SLC6A6: variants seen among roughly 807,000 people sequenced by gnomAD.
SLC6A6 encodes the protein solute carrier family 6 member 6, also known as sodium- and chloride-dependent taurine transporter.
Under a neutral mutation model 68.8 loss-of-function variants are expected in SLC6A6, and 16 were observed. The observed-to-expected ratio is 0.23, with a 90% CI of 0.16 to 0.35. The LOEUF is 0.35. SLC6A6 is among the 10% of genes least tolerant of loss of function. The probability of loss-of-function intolerance (pLI) is 1.00; values close to 1 mark genes in which losing one functional copy is unlikely to be tolerated. For synonymous variants in SLC6A6, 312 were observed against 315.4 expected (o/e 0.99, Z 0.12); for missense variants, 474 against 802.8 (o/e 0.59, Z 4.95).
intron 2 of SLC6A6, among the ~76,000 whole-genome samples, chr3:14,418,528 G>A (rs188798289): frequency 9.2e-5 from 14 of 152,258 alleles, no homozygotes; most frequent in Admixed American, 7.2e-4. Context: ...TGACCTACTC[G>A]ACGTCAGCCT....
intron 2 of SLC6A6, among the ~76,000 whole-genome samples, chr3:14,425,091 C>T (rs533471963): frequency 1.3e-5 from 2 of 152,298 alleles, no homozygotes; most frequent in Non-Finnish European, 2.9e-5. Context: ...GATGGCTAAT[C>T]TTTCTTGGGC....
chr3:14,410,735 A>T (rs1168507021), intron 1 of SLC6A6, among the ~76,000 whole-genome samples: 1 of 152,180 alleles, frequency 6.6e-6, no homozygotes, highest in Non-Finnish European at 1.5e-5. Context: ...GTGCCCTGAG[A>T]GGCTCTTCCT....
chr3:14,471,189 C>G (rs1222248549), intron 9 of SLC6A6, among the ~76,000 whole-genome samples: 1 of 124,848 alleles, frequency 8.0e-6, no homozygotes, highest in African/African-American at 3.0e-5. Flanking sequence ...GCCCTCGCTT[C>G]TCAGACCCAC....
intron 13 of SLC6A6, among the ~76,000 whole-genome samples, chr3:14,480,543 G>A (rs1300855437): frequency 1.3e-5 from 2 of 152,222 alleles, no homozygotes; most frequent in East Asian, 3.9e-4. Context: ...CTGAGCCACA[G>A]CCCTACACGT....
intron 2 of SLC6A6, among the ~76,000 whole-genome samples, chr3:14,439,586 C>A (rs1699935476): frequency 6.6e-6 from 1 of 152,186 alleles, no homozygotes; most frequent in Non-Finnish European, 1.5e-5. Context: ...TCACTTGTAG[C>A]TGTAATAACC....
chr3:14,482,488 T>C (rs1701031167), intron 14 of SLC6A6, among the ~76,000 whole-genome samples: 1 of 152,244 alleles, frequency 6.6e-6, no homozygotes. Flanking sequence ...TTCCAAGAAA[T>C]TCTTTTCTCA....
At chr3:14,454,654 G>A (rs11128699) in intron 5 of SLC6A6, among the ~76,000 whole-genome samples, 65,535 of 152,038 alleles carry the variant, frequency 0.43, 14,480 homozygotes, top group African/African-American at 0.51. Context: ...GTATGTTCAC[G>A]TGGCCCGTTA....
rs1239625158 is a variant in SLC6A6 at position 14,447,773 on chromosome 3, A to G, written c.556A>G (p.Ile186Val). The change falls in exon 5 of 15, where the codon ATC (isoleucine) becomes GTC (valine). Residue 186 changes from isoleucine to valine, a missense_variant. By Grantham distance (29) the Ile-to-Val change is conservative. Coordinates refer to ENST00000622186, the MANE Select transcript of SLC6A6 (RefSeq NM_003043.6). ...MRKNKSVWIT[I>V]SSTNFTSPVI... ...CAAGAACAAGAGTGTCTGGATCACCATCAGCTCCACCAACTTCACCTCCCC... is the reference window on the plus strand; with the variant it reads ...CAAGAACAAGAGTGTCTGGATCACCGTCAGCTCCACCAACTTCACCTCCCC... 3 of 1,614,232 alleles carry G rather than the reference A, an allele frequency of 1.9e-6. No homozygotes were observed. The highest frequency in any genetic ancestry group is 1.6e-4 in the Middle Eastern group (1 of 6,062).
At chr3:14,448,847 C>T (rs1559301095) in intron 5 of SLC6A6, among the ~76,000 whole-genome samples, 1 of 152,228 alleles carries the variant, frequency 6.6e-6, no homozygotes, top group African/African-American at 2.4e-5. Flanking sequence ...AAATAGGCTA[C>T]TGCATCATTT....
intron 2 of SLC6A6, among the ~76,000 whole-genome samples, chr3:14,431,273 C>G (rs1323782382): frequency 1.3e-5 from 2 of 152,200 alleles, no homozygotes; most frequent in African/African-American, 4.8e-5. Context: ...CTCAGAATGC[C>G]TGACGTGGAA....
chr3:14,410,215 T>C (rs1180841952), intron 1 of SLC6A6, among the ~76,000 whole-genome samples: 1 of 149,220 alleles, frequency 6.7e-6, no homozygotes, highest in Non-Finnish European at 1.5e-5. Context: ...TTCACAGATG[T>C]GGCTCCCTGT....
Position 14,450,141 on chromosome 3 carries a change from C to G in SLC6A6, c.599+2325C>G, listed in dbSNP as rs537169341. ...GTGTGTTATGAACTTAAAGAATCAC[C>G]CCCTATTGTAAAGGGGTCATCCTCT... On this transcript the variant is annotated intron_variant, in intron 5 of 14. Coordinates refer to ENST00000622186, the MANE Select transcript of SLC6A6 (RefSeq NM_003043.6). This position sits in a 1 kb window ranked among gnomAD's most constrained non-coding sequence, Gnocchi z 4.1. Among the ~76,000 whole-genome samples, 1 of 152,170 alleles carries G rather than the reference C, an allele frequency of 6.6e-6. No individual in the cohort carries two copies. The highest frequency in any genetic ancestry group is 1.9e-4 in the East Asian group (1 of 5,166).
At chr3:14,456,977 C>T (rs1344558436) in intron 5 of SLC6A6, among the ~76,000 whole-genome samples, 7 of 152,244 alleles carry the variant, frequency 4.6e-5, no homozygotes, top group Non-Finnish European at 2.9e-5. Flanking sequence ...ACTGTTGCAG[C>T]AGTCAGAGCT....
chr3:14,484,858 C>G lies in SLC6A6; in HGVS notation c.1723-9C>G. On this transcript the variant is annotated splice_polypyrimidine_tract_variant and intron_variant, in intron 14 of 14. Transcript: ENST00000622186. ...CGTTTCCCCCCTCACTCCTGTCATC[C>G]TTCTCCAGAGAGTCAAGTACCTGCT... 3.1e-6 allele frequency: 5 copies of G among 1,611,138 alleles called. No individual in the cohort carries two copies. The highest frequency in any genetic ancestry group is 4.2e-6 in the Non-Finnish European group (5 of 1,179,444).
chr3:14,445,370 G>C (rs1030718413), intron 3 of SLC6A6, among the ~76,000 whole-genome samples: 1 of 151,034 alleles, frequency 6.6e-6, no homozygotes, highest in South Asian at 2.1e-4. Context: ...GCAGTGAGCC[G>C]AGATCACGCC....
At chr3:14,408,951 C>T (rs1329067620) in intron 1 of SLC6A6, among the ~76,000 whole-genome samples, 1 of 152,152 alleles carries the variant, frequency 6.6e-6, no homozygotes, top group Non-Finnish European at 1.5e-5. Flanking sequence ...GGACTACAGG[C>T]ACCCGCTACC....
intron 1 of SLC6A6, among the ~76,000 whole-genome samples, chr3:14,407,204 C>T (rs988480399): frequency 1.7e-4 from 26 of 151,966 alleles, no homozygotes; most frequent in African/African-American, 5.3e-4. Context: ...CATGCACCAC[C>T]ACTCCAGGCT....
intron 6 of SLC6A6, among the ~76,000 whole-genome samples, chr3:14,458,504 G>C (rs1161543651): frequency 2.0e-5 from 3 of 152,328 alleles, no homozygotes; most frequent in South Asian, 4.1e-4. Flanking sequence ...ACCGTGGTAA[G>C]AGCCATTAGC....
intron 2 of SLC6A6, among the ~76,000 whole-genome samples, chr3:14,421,629 A>G (rs1182632309): frequency 1.3e-5 from 2 of 152,260 alleles, no homozygotes; most frequent in East Asian, 1.9e-4. Flanking sequence ...AAGTCTGAAT[A>G]TATGCATAGT....
Sources: allele counts gnomAD v4.1 joint callset (sites outside exome capture counted in the v4.1 genomes callset), GRCh38; gene constraint gnomAD v4.1.1; non-coding constraint Gnocchi (gnomAD v3.1); transcripts MANE v1.5; gene names NCBI Gene and HGNC (gene_info 2026-07-23, HGNC 2026-07-21).